ERC1: variants seen among roughly 807,000 people sequenced by gnomAD.
ERC1 encodes RAB6 interacting protein 2.
Under a neutral mutation model 132.0 loss-of-function variants are expected in ERC1, and 56 were observed. The ratio of observed to expected loss-of-function variants is 0.42; its 90% confidence interval spans 0.34 to 0.53. The LOEUF is 0.53. ERC1 is among the 20% of genes least tolerant of loss of function. The pLI is 0.03. For synonymous variants in ERC1, 478 were observed against 476.1 expected (o/e 1.00, Z -0.05); for missense variants, 1,202 against 1,349.9 (o/e 0.89, Z 1.72).
At chr12:1,201,419 A>G (rs549940240) in intron 12 of ERC1, among the ~76,000 whole-genome samples, 23 of 152,312 alleles carry the variant, frequency 1.5e-4, no homozygotes, top group African/African-American at 5.3e-4. Flanking sequence ...CTAAATTAAT[A>G]TTATTTTGTC....
chr12:1,213,143 G>A (rs1958034978), intron 12 of ERC1, among the ~76,000 whole-genome samples: 1 of 151,942 alleles, frequency 6.6e-6, no homozygotes, highest in South Asian at 2.1e-4. Flanking sequence ...TGACCTACCG[G>A]TATTTTTTTT....
chr12:1,368,046 C>T (rs2086835274), intron 15 of ERC1, among the ~76,000 whole-genome samples: 3 of 149,220 alleles, frequency 2.0e-5, no homozygotes, highest in Non-Finnish European at 4.4e-5. Context: ...TTATTTTGCC[C>T]TGGGCTTGTG....
intron 1 of ERC1, among the ~76,000 whole-genome samples, chr12:1,004,155 A>C (rs1270043726): frequency 2.0e-5 from 3 of 152,164 alleles, no homozygotes; most frequent in African/African-American, 7.2e-5. Flanking sequence ...AGGTCACCAG[A>C]ACACCATGGT....
In ERC1 at chr12:1,058,593, A is replaced by G. The variant is rs531889757; in HGVS notation, c.670-24571A>G. ...CCAGCACCATGCTGTTTTGGTTACT[A>G]TAGCTTTGTAGTGTATTTTGAAGTC... On this transcript the variant is annotated intron_variant, in intron 2 of 18. Coordinates refer to ENST00000360905, the MANE Select transcript of ERC1 (RefSeq NM_178040.4). 9.2e-5 allele frequency among the ~76,000 whole-genome samples: 14 copies of G among 152,148 alleles called. No homozygotes were observed. In the South Asian group the frequency reaches 2.3e-3, roughly 25 times the overall value.
At position 1,289,994 on chromosome 12, in the gene ERC1, A is replaced by G. The variant is rs2079323585; in HGVS notation, c.2762A>G (p.Glu921Gly). 6.2e-7 allele frequency: 1 copy of G among 1,614,010 alleles called. No homozygotes were observed. The highest frequency in any genetic ancestry group is 2.2e-5 in the East Asian group (1 of 44,880). ...CGGGCAGAGAGAAGGAAACACTTAGAGGAAGTTCTGGAGATGAAGTAAGTG... is the reference window on the plus strand; with the variant it reads ...CGGGCAGAGAGAAGGAAACACTTAGGGGAAGTTCTGGAGATGAAGTAAGTG... ...NLRAERRKHL[E>G]EVLEMKQEAL... Residue 921 changes from glutamate (E) to glycine (G), a missense_variant, in exon 15 of 19, where the codon GAG becomes GGG. By Grantham distance (98) the Glu-to-Gly change is moderately conservative. Transcript: ENST00000360905.
At chr12:1,178,105 C>T (rs945093055) in intron 8 of ERC1, among the ~76,000 whole-genome samples, 5 of 152,206 alleles carry the variant, frequency 3.3e-5, no homozygotes, top group African/African-American at 4.8e-5. Context: ...ATGTAAGCTT[C>T]AGCATATTCA....
At chr12:1,452,695 TA>T (rs1271906152) in intron 18 of ERC1, among the ~76,000 whole-genome samples, 1 of 152,248 alleles carries the variant, frequency 6.6e-6, no homozygotes, top group East Asian at 1.9e-4. Context: ...GATCTATACT[TA>T]AGTTCACTTT....
At chr12:1,292,664 T>TA (rs1290077167) in intron 15 of ERC1, among the ~76,000 whole-genome samples, 3 of 152,194 alleles carry the variant, frequency 2.0e-5, no homozygotes, top group Non-Finnish European at 4.4e-5. Context: ...TTCTGACATT[T>TA]AAAAAATTAT....
At chr12:1,049,590 G>A (rs1247407259) in intron 2 of ERC1, among the ~76,000 whole-genome samples, 2 of 152,068 alleles carry the variant, frequency 1.3e-5, no homozygotes, top group Non-Finnish European at 2.9e-5. Flanking sequence ...AGTGTGAACT[G>A]AAATGTATTT....
intron 12 of ERC1, among the ~76,000 whole-genome samples, chr12:1,223,052 A>C (rs771528583): frequency 6.6e-6 from 1 of 152,248 alleles, no homozygotes; most frequent in African/African-American, 2.4e-5. Flanking sequence ...TTTGTTCAAC[A>C]AATGTTTAAT....
intron 12 of ERC1, among the ~76,000 whole-genome samples, chr12:1,233,509 A>G (rs2075209674): frequency 6.6e-6 from 1 of 151,232 alleles, no homozygotes; most frequent in Admixed American, 6.6e-5. Flanking sequence ...AGAAAACCAG[A>G]CATTATATTA....
At chr12:1,473,649 A>G (rs63485460) in intron 18 of ERC1, among the ~76,000 whole-genome samples, 1 of 139,588 alleles carries the variant, frequency 7.2e-6, no homozygotes, top group Non-Finnish European at 1.6e-5. Context: ...AAAAAAAAAA[A>G]GGACAGGGAG....
intron 15 of ERC1, among the ~76,000 whole-genome samples, chr12:1,348,692 T>TG (rs542591210): frequency 8.6e-5 from 12 of 139,122 alleles, no homozygotes; most frequent in African/African-American, 2.4e-4. Context: ...AGACTCCATC[T>TG]AAAAAAAAAA....
intron 15 of ERC1, among the ~76,000 whole-genome samples, chr12:1,335,687 T>C (rs1257616622): frequency 6.6e-6 from 1 of 152,166 alleles, no homozygotes; most frequent in African/African-American, 2.4e-5. Flanking sequence ...GAAGTTTTCT[T>C]TTTTTGTTTT....
chr12:1,446,107 C>T (rs1290054080), intron 18 of ERC1, among the ~76,000 whole-genome samples: 1 of 152,074 alleles, frequency 6.6e-6, no homozygotes, highest in Non-Finnish European at 1.5e-5. Flanking sequence ...GTAAACATTC[C>T]ATCTATAGTA....
rs765801117 is a variant in ERC1, at chr12:1,141,688, G to A, written c.1638G>A (p.Gln546=). 15 of 1,613,298 alleles carry A rather than the reference G, an allele frequency of 9.3e-6. No homozygotes were observed. The highest frequency in any genetic ancestry group is 3.3e-5 in the Admixed American group (2 of 59,966). ...TMLNKKTKQI[Q]DMAEEKGTQA... ...TGAATAAAAAGACAAAACAAATTCA[G>A]GATATGGCTGAAGAGAAGGGGACAC... The change falls in exon 8 of 19, where the codon CAG becomes CAA. Residue 546 remains glutamine (Q), a synonymous_variant. Transcript: ENST00000360905.
At chr12:1,265,499 C>T (rs1412397447) in intron 14 of ERC1, among the ~76,000 whole-genome samples, 3 of 152,214 alleles carry the variant, frequency 2.0e-5, no homozygotes, top group East Asian at 1.9e-4. Context: ...TTCTCTGCCT[C>T]AGTTTCCCCT....
At chr12:1,276,403 A>C (rs1362096242) in intron 14 of ERC1, among the ~76,000 whole-genome samples, 1 of 151,308 alleles carries the variant, frequency 6.6e-6, no homozygotes, top group African/African-American at 2.4e-5. Flanking sequence ...ATGCCCAGCT[A>C]ATTTTTTGTT....
At chr12:1,000,064 TTTTAAC>T (rs1271984754) in intron 1 of ERC1, among the ~76,000 whole-genome samples, 2 of 152,212 alleles carry the variant, frequency 1.3e-5, no homozygotes, top group Non-Finnish European at 2.9e-5. Context: ...CCTGTATTCT[TTTTAAC>T]TTTATTATGG....
Sources: allele counts gnomAD v4.1 joint callset (sites outside exome capture counted in the v4.1 genomes callset), GRCh38; gene constraint gnomAD v4.1.1; transcripts MANE v1.5; gene names NCBI Gene and HGNC (gene_info 2026-07-23, HGNC 2026-07-21).